GRM4: variants seen among roughly 807,000 people sequenced by gnomAD.
GRM4 encodes glutamate metabotropic receptor 4, also known as metabotropic glutamate receptor 4.
GRM4 carries 28 observed loss-of-function variants against 81.7 expected under a neutral mutation model. The ratio of observed to expected loss-of-function variants is 0.34; its 90% CI spans 0.25 to 0.47. The LOEUF (loss-of-function observed/expected upper bound fraction) is 0.47, where lower values mean the gene tolerates loss of function less well. GRM4 is among the 20% of genes least tolerant of loss of function. GRM4 has a pLI of 1.00. For missense variants in GRM4, 948 were observed against 1,290.0 expected, an observed-to-expected ratio of 0.73 and a Z score of 4.06; for synonymous variants, 488 against 528.8, an observed-to-expected ratio of 0.92 and a Z score of 1.06.
chr6:34,042,966 C>A lies in GRM4; in HGVS notation c.1169-2218G>T, dbSNP rs1380779085. Among the ~76,000 whole-genome samples, 2 of 152,192 alleles carry A rather than the reference C, an allele frequency of 1.3e-5. No individual in the cohort carries two copies. The highest frequency in any genetic ancestry group is 2.9e-5 in the Non-Finnish European group (2 of 68,012). On this transcript the variant is annotated intron_variant, in intron 6 of 10. Coordinates refer to ENST00000538487, the MANE Select transcript of GRM4 (RefSeq NM_000841.4). The surrounding 1 kb of genome is among the most constrained non-coding windows in gnomAD (Gnocchi z 4.2). ...ACCACATCCCATTTTCAGCCTTCCT[C>A]AGGGTAGGTACTCAGATATTGCTGA...
Position 34,133,589 on chromosome 6 carries a change from G to C in GRM4, c.-93C>G. 2 of 1,482,206 alleles carry C rather than the reference G, an allele frequency of 1.3e-6. No homozygotes were observed. The highest frequency in any genetic ancestry group is 1.8e-6 in the Non-Finnish European group (2 of 1,124,570). The allele number at this position is 1,482,206 out of a possible 1,614,324, so 91.8% of individuals were successfully genotyped here. On this transcript the variant is annotated 5_prime_UTR_variant, in exon 2 of 11. Coordinates refer to ENST00000538487, the MANE Select transcript of GRM4 (RefSeq NM_000841.4). The surrounding 1 kb of genome is among the most constrained non-coding windows in gnomAD (Gnocchi z 6.5). ...GGCCTGGGTGGGCATGGGCAGGGCA[G>C]CTTCAGCAGCAGGGGGACTGAGGGC... is the stretch of plus-strand genomic sequence containing the variant.
At chr6:34,081,164 G>A (rs138905571) in intron 3 of GRM4, among the ~76,000 whole-genome samples, 57 of 152,308 alleles carry the variant, frequency 3.7e-4, no homozygotes, top group African/African-American at 8.2e-4. Flanking sequence ...TCGGAGTCAT[G>A]CAGAACTGGC....
At chr6:34,071,601 T>TCACCACAGAGATACAC (rs1766863724) in intron 3 of GRM4, among the ~76,000 whole-genome samples, 2 of 10,764 alleles carry the variant, frequency 1.9e-4, no homozygotes, top group Non-Finnish European at 4.1e-4. Context: ...CACAGATACA[T>TCACCACAGAGATACAC]ACCACACACA....
In GRM4 at chr6:34,080,836, A is replaced by G. The variant is rs1767550284; in HGVS notation, c.736+11047T>C. On this transcript the variant is annotated intron_variant, in intron 3 of 10. Coordinates refer to ENST00000538487, the MANE Select transcript of GRM4 (RefSeq NM_000841.4). The surrounding 1 kb of genome is among the most constrained non-coding windows in gnomAD (Gnocchi z 5.4). ...TCTCTTCTCTCTCTCTCTCTCACAC[A>G]CACACACACATACACACACACATAC... Among the ~76,000 whole-genome samples the G allele has an allele frequency of 7.4e-6, 1 of 134,410 alleles. No homozygotes were observed. The highest frequency in any genetic ancestry group is 1.5e-5 in the Non-Finnish European group (1 of 66,028). The allele number at this position is 134,410 out of a possible 152,430, so 88.2% of individuals were successfully genotyped here.
chr6:34,038,503 A>C (rs1192914727), intron 8 of GRM4, among the ~76,000 whole-genome samples: 1 of 152,184 alleles, frequency 6.6e-6, no homozygotes, highest in Non-Finnish European at 1.5e-5. Flanking sequence ...CACAGGCAAG[A>C]AGGTCCAGGG....
rs1016527507 is a variant in GRM4 at position 34,095,296 on chromosome 6, C to T, written c.520-3197G>A. Among the ~76,000 whole-genome samples the T allele has an allele frequency of 2.0e-5, 3 of 152,178 alleles. No homozygotes were observed. In the South Asian group the frequency reaches 6.2e-4, roughly 31 times the overall value. ...AGCCAGCCTCCTGCGATGTGTCCAC[C>T]TGCCAGCCTCTCCTGTCTGCTCTCC... is the stretch of plus-strand genomic sequence containing the variant. On this transcript the variant is annotated intron_variant, in intron 2 of 10. Coordinates refer to ENST00000538487, the MANE Select transcript of GRM4 (RefSeq NM_000841.4).
At position 34,074,824 on chromosome 6, in the gene GRM4, G is replaced by T. The variant is rs2260611; in HGVS notation, c.737-12796C>A. Among the ~76,000 whole-genome samples, 12,443 of 152,194 alleles carry T rather than the reference G, an allele frequency of 0.082. 1,076 individuals are homozygous for T. Among genetic ancestry groups the T allele is most frequent in the African/African-American group, 0.21 (8,705 of 41,456 alleles). ...TGGTGGCAGGAGGGGCCTGGATGGG[G>T]CAGGACACAAAGAGATGGCTGGTTC... On this transcript the variant is annotated intron_variant, in intron 3 of 10. Coordinates refer to ENST00000538487, the MANE Select transcript of GRM4 (RefSeq NM_000841.4). The surrounding 1 kb of genome is among the most constrained non-coding windows in gnomAD (Gnocchi z 4.9).
intron 2 of GRM4, among the ~76,000 whole-genome samples, chr6:34,113,100 T>C (rs1404569647): frequency 1.3e-5 from 2 of 151,694 alleles, no homozygotes; most frequent in Non-Finnish European, 2.9e-5. Context: ...TCCCTTCCCT[T>C]TCTTCTTTCC....
chr6:34,137,012 T>G (rs756650847), intron 1 of GRM4, among the ~76,000 whole-genome samples: 17 of 152,078 alleles, frequency 1.1e-4, no homozygotes, highest in Non-Finnish European at 1.3e-4. Flanking sequence ...AGGGAAGAGC[T>G]GGGGGCACAT....
intron 8 of GRM4, among the ~76,000 whole-genome samples, chr6:34,037,636 G>A (rs184481187): frequency 7.6e-4 from 116 of 152,174 alleles, no homozygotes; most frequent in African/African-American, 2.6e-3. Flanking sequence ...AGGGCAAGGC[G>A]GGAGGATCAT....
intron 3 of GRM4, chr6:34,063,409 T>C: frequency 6.6e-6 from 1 of 152,534 alleles, no homozygotes; most frequent in Non-Finnish European, 1.5e-5. Flanking sequence ...GGCTGAGTCC[T>C]CAGAGGATGC....
intron 10 of GRM4, among the ~76,000 whole-genome samples, chr6:34,027,493 G>C (rs1017692622): frequency 1.3e-5 from 2 of 152,190 alleles, no homozygotes; most frequent in African/African-American, 2.4e-5. Flanking sequence ...AGCGCCGCTA[G>C]GCAGTCCTGT....
At chr6:34,101,936 G>A (rs1389341228) in intron 2 of GRM4, 2 of 1,335,212 alleles carry the variant, frequency 1.5e-6, no homozygotes, top group African/African-American at 2.9e-5. Context: ...CTCTCCCGGA[G>A]GCCAGGGGTA....
chr6:34,136,600 ACACACG>A lies in GRM4; in HGVS notation c.-363-2747_-363-2742del, dbSNP rs1277869442. Among the ~76,000 whole-genome samples, 4 of 142,956 alleles carry A rather than the reference ACACACG, an allele frequency of 2.8e-5. No individual in the cohort carries two copies. The highest frequency in any genetic ancestry group is 2.1e-4 in the East Asian group (1 of 4,666). 93.8% of individuals were successfully genotyped at this position (142,956 alleles called of 152,430 possible). On this transcript the variant is annotated intron_variant, in intron 1 of 10. Coordinates refer to ENST00000538487, the MANE Select transcript of GRM4 (RefSeq NM_000841.4). This position sits in a 1 kb window ranked among gnomAD's most constrained non-coding sequence, Gnocchi z 4.1. Reference sequence around the variant, plus strand: ...CACACACACACACACACACACACACACACACGGGGAAGGACAGATGCCATGGGGGAA... The same window carrying A: ...CACACACACACACACACACACACACAGGGAAGGACAGATGCCATGGGGGAA...
chr6:34,094,758 T>G (rs896453804), intron 2 of GRM4, among the ~76,000 whole-genome samples: 4 of 152,134 alleles, frequency 2.6e-5, no homozygotes, highest in African/African-American at 4.8e-5. Flanking sequence ...TGTCCCTACT[T>G]CTGGTGTTTC....
chr6:34,087,418 CAAAAAAAAA>C (rs765556138), intron 3 of GRM4, among the ~76,000 whole-genome samples: 1 of 66,572 alleles, frequency 1.5e-5, no homozygotes, highest in Non-Finnish European at 3.1e-5. Context: ...GACTCCATCT[CAAAAAAAAA>C]AAAAAAAAGC....
intron 2 of GRM4, chr6:34,102,274 G>A (rs578071730): frequency 1.0e-5 from 8 of 794,312 alleles, no homozygotes; most frequent in East Asian, 2.7e-5. Context: ...TCAGCTCAGA[G>A]CAGTCTGTCA....
At chr6:34,040,524 G>A (rs1433233522) in intron 7 of GRM4, 24 bp downstream of exon 7, 4 of 1,597,468 alleles carry the variant, frequency 2.5e-6, no homozygotes, top group Middle Eastern at 1.7e-4. Context: ...CCAGGGTCAG[G>A]CACAGTCCGC....
chr6:34,149,545 C>T (rs980070908), upstream of GRM4, among the ~76,000 whole-genome samples: 2 of 152,210 alleles, frequency 1.3e-5, no homozygotes, highest in Non-Finnish European at 2.9e-5. Context: ...GCTAGGGCCC[C>T]GGGTTAACAA....
Sources: gnomAD v4.1 joint callset for allele counts (sites outside exome capture counted in the v4.1 genomes callset) on GRCh38, gnomAD v4.1.1 for gene constraint, Gnocchi (gnomAD v3.1) non-coding constraint, MANE v1.5 for transcripts, NCBI Gene and HGNC (gene_info 2026-07-23, HGNC 2026-07-21) for gene names.